ALCAM: variants seen among roughly 807,000 people sequenced by gnomAD.
ALCAM encodes CD166 antigen.
In ALCAM, 30 loss-of-function variants were observed where a neutral mutation model predicts 70.9. The observed-to-expected ratio is 0.42, with a 90% CI of 0.32 to 0.57. The LOEUF (loss-of-function observed/expected upper bound fraction) is 0.57. ALCAM is among the 20% of genes least tolerant of loss of function. The pLI, the probability that ALCAM is intolerant of heterozygous loss-of-function variation, is 0.11. For missense variants in ALCAM, 591 were observed against 695.1 expected (o/e 0.85, Z 1.68); for synonymous variants, 249 against 242.5 (o/e 1.03, Z -0.25).
intron 1 of ALCAM, among the ~76,000 whole-genome samples, chr3:105,473,625 C>T (rs80224129): frequency 0.015 from 2,329 of 151,586 alleles, 23 homozygotes; most frequent in Middle Eastern, 0.048. Flanking sequence ...TGACCATAAA[C>T]CTCAGATTAA....
intron 1 of ALCAM, among the ~76,000 whole-genome samples, chr3:105,479,620 A>G (rs1479925409): frequency 6.6e-6 from 1 of 152,238 alleles, no homozygotes; most frequent in Non-Finnish European, 1.5e-5. Flanking sequence ...TTATATGTAT[A>G]CAAACATTGC....
intron 1 of ALCAM, among the ~76,000 whole-genome samples, chr3:105,474,548 T>C (rs1938039266): frequency 6.6e-6 from 1 of 151,682 alleles, no homozygotes; most frequent in Non-Finnish European, 1.5e-5. Flanking sequence ...AAAAAAGCTC[T>C]GCCTTTACTG....
intron 1 of ALCAM, among the ~76,000 whole-genome samples, chr3:105,407,051 A>T (rs1471101478): frequency 6.6e-6 from 1 of 152,146 alleles, no homozygotes; most frequent in Non-Finnish European, 1.5e-5. Flanking sequence ...AACAAGACTG[A>T]AATGGTAATA....
chr3:105,474,945 A>G (rs1938060620), intron 1 of ALCAM, among the ~76,000 whole-genome samples: 1 of 151,836 alleles, frequency 6.6e-6, no homozygotes. Context: ...TGAATAAAAC[A>G]AACAACAAAA....
At chr3:105,520,420 G>A (rs1280900392) in intron 2 of ALCAM, among the ~76,000 whole-genome samples, 1 of 152,210 alleles carries the variant, frequency 6.6e-6, no homozygotes, top group African/African-American at 2.4e-5. Context: ...CACCTTAAGT[G>A]TTAGAGGCAA....
At chr3:105,562,120 G>C (rs969026803) in intron 14 of ALCAM, among the ~76,000 whole-genome samples, 1 of 152,130 alleles carries the variant, frequency 6.6e-6, no homozygotes, top group Admixed American at 6.5e-5. Context: ...AGTGTAGAAG[G>C]CCCTGCCCTG....
At chr3:105,478,630 T>A (rs1028167895) in intron 1 of ALCAM, among the ~76,000 whole-genome samples, 1 of 152,104 alleles carries the variant, frequency 6.6e-6, no homozygotes, top group African/African-American at 2.4e-5. Flanking sequence ...TTTGAGCAGT[T>A]GTTTCTTAAA....
At chr3:105,555,197 A>T (rs1047028027) in intron 14 of ALCAM, among the ~76,000 whole-genome samples, 2 of 152,016 alleles carry the variant, frequency 1.3e-5, no homozygotes, top group Non-Finnish European at 2.9e-5. Flanking sequence ...ATTTCATTAA[A>T]TTAAGCTCAA....
intron 1 of ALCAM, among the ~76,000 whole-genome samples, chr3:105,401,218 G>T (rs1055992629): frequency 6.6e-6 from 1 of 152,156 alleles, no homozygotes; most frequent in Non-Finnish European, 1.5e-5. Flanking sequence ...CTTTTGTGTG[G>T]AATAGAAATA....
chr3:105,545,071 C>CTA (rs1348515034), intron 8 of ALCAM, 152 bp from the exon 9 acceptor site: 5 of 623,978 alleles, frequency 8.0e-6, no homozygotes, highest in Admixed American at 4.3e-5. Context: ...GCTAATCATG[C>CTA]TATAGTCCAA....
intron 1 of ALCAM, among the ~76,000 whole-genome samples, chr3:105,429,063 A>G (rs1410403863): frequency 6.6e-6 from 1 of 151,988 alleles, no homozygotes; most frequent in Non-Finnish European, 1.5e-5. Context: ...CCTTCATATC[A>G]TGCCTGTTTA....
At chr3:105,375,932 A>G (rs1935364636) in intron 1 of ALCAM, among the ~76,000 whole-genome samples, 1 of 152,222 alleles carries the variant, frequency 6.6e-6, no homozygotes, top group Admixed American at 6.5e-5. Context: ...TTGACCCTGT[A>G]TTAACAATTT....
intron 1 of ALCAM, among the ~76,000 whole-genome samples, chr3:105,410,585 T>A (rs1936363149): frequency 6.6e-6 from 1 of 152,058 alleles, no homozygotes; most frequent in Admixed American, 6.6e-5. Flanking sequence ...TAGGCTTTGC[T>A]AACTTGTTTT....
chr3:105,445,760 A>G (rs1370735483), intron 1 of ALCAM, among the ~76,000 whole-genome samples: 1 of 152,214 alleles, frequency 6.6e-6, no homozygotes, highest in East Asian at 1.9e-4. Flanking sequence ...TGGTGCTGGG[A>G]AAACTAGATA....
At chr3:105,539,301 T>C (rs530113491) in intron 6 of ALCAM, among the ~76,000 whole-genome samples, 2 of 152,228 alleles carry the variant, frequency 1.3e-5, no homozygotes, top group East Asian at 3.9e-4. Flanking sequence ...ATTCTACTAT[T>C]GAGTGCTGAA....
intron 1 of ALCAM, among the ~76,000 whole-genome samples, chr3:105,452,843 A>G (rs1041340181): frequency 2.0e-5 from 3 of 151,906 alleles, no homozygotes; most frequent in Admixed American, 2.0e-4. Context: ...GCTTTTTTTC[A>G]TATGTTTGTT....
intron 3 of ALCAM, among the ~76,000 whole-genome samples, chr3:105,526,725 G>GTTTTT (rs1270248094): frequency 6.6e-6 from 1 of 152,084 alleles, no homozygotes; most frequent in East Asian, 1.9e-4. Flanking sequence ...GTTTTGTTTT[G>GTTTTT]TTTTCAATGA....
chr3:105,389,537 A>C (rs1354147834), intron 1 of ALCAM, among the ~76,000 whole-genome samples: 1 of 151,292 alleles, frequency 6.6e-6, no homozygotes, highest in African/African-American at 2.4e-5. Context: ...CATTATTTTA[A>C]AATAAACTAC....
intron 2 of ALCAM, among the ~76,000 whole-genome samples, chr3:105,521,385 G>A (rs1007925972): frequency 2.7e-5 from 4 of 146,328 alleles, no homozygotes; most frequent in Non-Finnish European, 6.0e-5. Flanking sequence ...ATTAAGAATT[G>A]TCTGAGGGTC....
Sources: allele counts gnomAD v4.1 joint callset (sites outside exome capture counted in the v4.1 genomes callset), GRCh38; gene constraint gnomAD v4.1.1; transcripts MANE v1.5; gene names NCBI Gene and HGNC (gene_info 2026-07-23, HGNC 2026-07-21).